Variants in FAM83D observed in about 807,000 individuals in gnomAD.
FAM83D encodes scaffolding CK1 anchoring protein D.
FAM83D carries 26 observed loss-of-function variants against 25.4 expected under a neutral mutation model. The ratio of observed to expected loss-of-function variants is 1.02; its 90% CI spans 0.75 to 1.42. FAM83D has a LOEUF of 1.42. Among genes scored for constraint, FAM83D ranks in the 40% most tolerant of loss-of-function variants. The pLI is 0.00. For synonymous variants in FAM83D, 310 were observed against 318.5 expected (o/e 0.97, Z 0.28); for missense variants, 740 against 758.1 (o/e 0.98, Z 0.28).
intron 1 of FAM83D, among the ~76,000 whole-genome samples, chr20:38,936,163 T>TGG (rs1491409920): frequency 1.4e-4 from 21 of 151,994 alleles, no homozygotes; most frequent in Admixed American, 1.1e-3. Flanking sequence ...GGAGGGAAAC[T>TGG]GAGGTGCAGT....
At chr20:38,949,802 T>A (rs1416892956) in intron 3 of FAM83D, among the ~76,000 whole-genome samples, 1 of 152,214 alleles carries the variant, frequency 6.6e-6, no homozygotes, top group Admixed American at 6.5e-5. Flanking sequence ...AGGCTCTCCC[T>A]TTGAAGTCAA....
At position 38,942,545 on chromosome 20, in the gene FAM83D, C is replaced by T. The variant is rs926970821; in HGVS notation, c.651+419C>T. Among the ~76,000 whole-genome samples the T allele has an allele frequency of 3.3e-5, 5 of 152,136 alleles. No homozygotes were observed. In the East Asian group the frequency reaches 5.8e-4, roughly 18 times the overall value. On this transcript the variant is annotated intron_variant, in intron 2 of 3. Coordinates refer to ENST00000619850, the MANE Select transcript of FAM83D (RefSeq NM_030919.3). ...TGCAAACGTGCTAAGTGAAGGAAAC[C>T]GGTCACAAAAGACCACATATGATAT...
At chr20:38,940,851 G>T in intron 1 of FAM83D, among the ~76,000 whole-genome samples, 1 of 152,184 alleles carries the variant, frequency 6.6e-6, no homozygotes, top group East Asian at 1.9e-4. Flanking sequence ...CTGTCTGGAC[G>T]GCTCCAGCTC....
intron 1 of FAM83D, among the ~76,000 whole-genome samples, chr20:38,929,341 T>C (rs1568694625): frequency 6.6e-6 from 1 of 152,080 alleles, no homozygotes. Flanking sequence ...AGTGTGCTGA[T>C]GGGAAACAGT....
chr20:38,928,686 C>T (rs947133225), intron 1 of FAM83D, among the ~76,000 whole-genome samples: 2 of 152,148 alleles, frequency 1.3e-5, no homozygotes, highest in Non-Finnish European at 2.9e-5. Context: ...CAGAGGGAAA[C>T]TATTAAACTC....
rs952249518 is a variant in FAM83D at position 38,926,648 on chromosome 20, T to C, written c.206T>C (p.Leu69Pro). The change falls in exon 1 of 4, where the codon CTG becomes CCG. Residue 69 changes from leucine (L) to proline (P), a missense_variant. Physicochemically the swap from Leu to Pro is moderately conservative, Grantham distance 98. Coordinates refer to ENST00000619850, the MANE Select transcript of FAM83D (RefSeq NM_030919.3). ...FLNPDEVHAI[L>P]RAAERPGEEG... ...AACCCCGATGAGGTGCACGCCATTC[T>C]GCGCGCGGCGGAGAGGCCGGGAGAG... 6.5e-7 allele frequency: 1 copy of C among 1,536,716 alleles called. No individual in the cohort carries two copies. Among genetic ancestry groups the C allele is most frequent in the Non-Finnish European group, 8.7e-7 (1 of 1,147,006 alleles).
At chr20:38,935,085 GA>G (rs1356208993) in intron 1 of FAM83D, among the ~76,000 whole-genome samples, 1 of 152,014 alleles carries the variant, frequency 6.6e-6, no homozygotes, top group Non-Finnish European at 1.5e-5. Context: ...AAAAATGGAA[GA>G]ATATACAAAA....
Position 38,926,497 on chromosome 20 carries a change from T to A in FAM83D, c.55T>A (p.Cys19Ser). The A allele has an allele frequency of 1.3e-6, 2 of 1,597,056 alleles. No individual in the cohort carries two copies. The highest frequency in any genetic ancestry group is 1.7e-6 in the Non-Finnish European group (2 of 1,178,146). Residue 19 changes from cysteine to serine, a missense_variant, in exon 1 of 4, where the codon TGC becomes AGC. This residue lies in a region of FAM83D where 333 missense variants were observed against 298.6 expected (regional missense o/e 1.12). Transcript: ENST00000619850. ...DEVPAACLSP[C>S]GPPNPTELFS... ...GGTGCCCGCCGCCTGCCTGTCGCCG[T>A]GCGGGCCGCCCAACCCGACCGAGCT...
chr20:38,942,782 A>G (rs1568698233), intron 2 of FAM83D, among the ~76,000 whole-genome samples: 1 of 152,192 alleles, frequency 6.6e-6, no homozygotes, highest in South Asian at 2.1e-4. Context: ...ATTTGTGTTA[A>G]TTGTATGATC....
chr20:38,943,852 G>A (rs62204118), intron 2 of FAM83D, among the ~76,000 whole-genome samples: 21,616 of 151,984 alleles, frequency 0.14, 1,653 homozygotes, highest in Middle Eastern at 0.19. Context: ...CACCACACCC[G>A]ACTAATTTTT....
chr20:38,930,927 C>T (rs961506291), intron 1 of FAM83D, among the ~76,000 whole-genome samples: 10 of 151,956 alleles, frequency 6.6e-5, no homozygotes, highest in Admixed American at 2.6e-4. Flanking sequence ...TGAGCCACTG[C>T]GCCCGGCCAA....
At chr20:38,933,958 G>A (rs923334537) in intron 1 of FAM83D, among the ~76,000 whole-genome samples, 3 of 151,554 alleles carry the variant, frequency 2.0e-5, no homozygotes, top group African/African-American at 7.3e-5. Context: ...GGGTTCAAGC[G>A]ATTCCCCTGC....
chr20:38,926,564 C>A lies in FAM83D; in HGVS notation c.122C>A (p.Ala41Glu), dbSNP rs1156314777. The stretch of plus-strand genomic sequence containing the variant: ...CGCCTGGCTCTGGAGGAGCTGGTGG[C>A]GGGCGGCCCCGAAGCCTTCGCGGCC... The part of the protein sequence containing the change: ...SRRLALEELV[A>E]GGPEAFAAFL... The change falls in exon 1 of 4, where the codon GCG becomes GAG. Residue 41 changes from alanine (A) to glutamate (E), a missense_variant. By Grantham distance (107) the Ala-to-Glu change is moderately radical. Around this residue, in one of 3 missense-constraint regions of FAM83D, gnomAD observed 333 missense variants for 298.6 expected, o/e 1.12. Transcript: ENST00000619850. 2 of 1,566,394 alleles carry A rather than the reference C, an allele frequency of 1.3e-6. No homozygotes were observed. Among genetic ancestry groups the A allele is most frequent in the African/African-American group, 1.4e-5 (1 of 73,876 alleles).
In FAM83D at chr20:38,952,785, G is replaced by GT. The variant is rs1387611347; in HGVS notation, c.*269dup. On this transcript the variant is annotated 3_prime_UTR_variant, in exon 4 of 4. Coordinates refer to ENST00000619850, the MANE Select transcript of FAM83D (RefSeq NM_030919.3). ...TAATAGTCATGCACTACATAATGAT[G>GT]TTTTGGTCAATGACAGACCACGTAT... 6.9e-5 allele frequency: 33 copies of GT among 478,234 alleles called. No individual in the cohort carries two copies. Among genetic ancestry groups the GT allele is most frequent in the Non-Finnish European group, 1.1e-4 (29 of 269,952 alleles). 29.6% of individuals were successfully genotyped at this position (478,234 alleles called of 1,614,324 possible).
intron 1 of FAM83D, among the ~76,000 whole-genome samples, chr20:38,931,951 C>T (rs1420469223): frequency 9.9e-5 from 15 of 152,228 alleles, no homozygotes; most frequent in Non-Finnish European, 2.1e-4. Context: ...ATTCTGTCTG[C>T]CTTTCCACTC....
At chr20:38,935,848 A>T (rs1348206020) in intron 1 of FAM83D, among the ~76,000 whole-genome samples, 1 of 152,170 alleles carries the variant, frequency 6.6e-6, no homozygotes, top group Non-Finnish European at 1.5e-5. Context: ...TTGTTTTTAA[A>T]CCCCAAAGAT....
intron 2 of FAM83D, among the ~76,000 whole-genome samples, chr20:38,942,360 G>A (rs1415188290): frequency 2.6e-5 from 4 of 152,180 alleles, no homozygotes; most frequent in Non-Finnish European, 5.9e-5. Context: ...TTATGTGTGA[G>A]TTTTATAGAA....
chr20:38,934,471 C>G (rs1347343019), intron 1 of FAM83D, among the ~76,000 whole-genome samples: 1 of 88,534 alleles, frequency 1.1e-5, no homozygotes, highest in Non-Finnish European at 2.1e-5. Context: ...CCGGCCTGGG[C>G]AACAAGAGTG....
intron 1 of FAM83D, among the ~76,000 whole-genome samples, chr20:38,938,678 A>G (rs2085688639): frequency 6.6e-6 from 1 of 152,006 alleles, no homozygotes; most frequent in African/African-American, 2.4e-5. Context: ...GTTTCCTTGT[A>G]TCTGAATATC....
Sources: allele counts gnomAD v4.1 joint callset (sites outside exome capture counted in the v4.1 genomes callset), GRCh38; gene constraint gnomAD v4.1.1; regional missense constraint gnomAD v4.1.1; transcripts MANE v1.5; gene names NCBI Gene and HGNC (gene_info 2026-07-23, HGNC 2026-07-21).